Variants in ANO2 observed in about 807,000 individuals in gnomAD.
ANO2 encodes anoctamin 2.
A neutral mutation model predicts 124.2 loss-of-function variants in ANO2; 101 were observed. The ratio of observed to expected loss-of-function variants is 0.81; its 90% confidence interval spans 0.69 to 0.96. The LOEUF is 0.96. Among genes scored for constraint, ANO2 ranks in the 40% least tolerant of loss-of-function variants. ANO2 has a pLI of 0.00. For missense variants in ANO2, 1,293 were observed against 1,274.5 expected, an observed-to-expected ratio of 1.01 and a Z score of -0.22; for synonymous variants, 486 against 482.5, an observed-to-expected ratio of 1.01 and a Z score of -0.09.
In ANO2 at chr12:5,636,969, T is replaced by C. The variant is rs1946052129; in HGVS notation, c.1621-1622A>G. 6.7e-6 allele frequency among the ~76,000 whole-genome samples: 1 copy of C among 149,226 alleles called. No individual in the cohort carries two copies. ...AGGAAGGGAGAAAGGTGGCGTTCTC[T>C]GGGTAGAGGAAGGCTGTGTGTGTTT... On this transcript the variant is annotated intron_variant, in intron 15 of 24. Transcript: ENST00000682330. The surrounding 1 kb of genome is among the most constrained non-coding windows in gnomAD (Gnocchi z 4.6).
chr12:5,707,696 C>A (rs888285877), intron 14 of ANO2, among the ~76,000 whole-genome samples: 1 of 152,188 alleles, frequency 6.6e-6, no homozygotes, highest in African/African-American at 2.4e-5. Flanking sequence ...ACATACCTTC[C>A]GAGTTTATCT....
intron 10 of ANO2, among the ~76,000 whole-genome samples, chr12:5,777,486 AG>A (rs1258483164): frequency 6.6e-6 from 1 of 152,148 alleles, no homozygotes; most frequent in Non-Finnish European, 1.5e-5. Flanking sequence ...GCATGAACTG[AG>A]GGGACCAAAA....
At chr12:5,599,906 G>A (rs1414104912) in intron 19 of ANO2, among the ~76,000 whole-genome samples, 6 of 152,230 alleles carry the variant, frequency 3.9e-5, no homozygotes, top group Non-Finnish European at 5.9e-5. Flanking sequence ...CAAGCAACAA[G>A]AGAGTTGGCC....
chr12:5,871,162 G>A (rs146106303), intron 3 of ANO2, among the ~76,000 whole-genome samples: 189 of 152,242 alleles, frequency 1.2e-3, no homozygotes, highest in African/African-American at 4.3e-3. Flanking sequence ...GCACTTAATG[G>A]TCTCTCTACT....
chr12:5,944,650 C>T (rs892694962), intron 1 of ANO2, among the ~76,000 whole-genome samples: 8 of 152,158 alleles, frequency 5.3e-5, no homozygotes, highest in African/African-American at 1.9e-4. Flanking sequence ...TTCCCTGCAG[C>T]CTGGGGTGTA....
intron 4 of ANO2, among the ~76,000 whole-genome samples, chr12:5,842,943 C>T (rs892201771): frequency 2.0e-5 from 3 of 152,190 alleles, no homozygotes; most frequent in African/African-American, 7.2e-5. Flanking sequence ...ATTCTGCACT[C>T]TTTCCAGTCT....
At chr12:5,634,097 C>T (rs943082107) in intron 16 of ANO2, among the ~76,000 whole-genome samples, 1 of 152,130 alleles carries the variant, frequency 6.6e-6, no homozygotes, top group African/African-American at 2.4e-5. Flanking sequence ...TCTCAAGATG[C>T]TTATGAAGAA....
Position 5,921,111 on chromosome 12 carries a change from T to C in ANO2, c.463A>G (p.Arg155Gly). 1.2e-6 allele frequency: 2 copies of C among 1,613,798 alleles called. No individual in the cohort carries two copies. The highest frequency in any genetic ancestry group is 1.7e-6 in the Non-Finnish European group (2 of 1,179,840). ...LGPLDALEEE[R>G]KEQREEFEHN... ...TCAAATTCCTCCCGCTGCTCCTTCC[T>C]CTCCTCCTCCAGGGCATCGAGCGGT... is the stretch of plus-strand genomic sequence containing the variant. The change falls in exon 3 of 25, where the codon AGG becomes GGG. Residue 155 changes from arginine to glycine, a missense_variant. By Grantham distance (125) the Arg-to-Gly change is moderately radical. Transcript: ENST00000682330.
intron 20 of ANO2, 37 bp from the exon 21 acceptor site, chr12:5,578,555 C>G (rs763537417): frequency 1.9e-6 from 3 of 1,596,082 alleles, no homozygotes; most frequent in Non-Finnish European, 2.6e-6. Flanking sequence ...TCAGCAGGAA[C>G]AAGCAGGACT....
intron 19 of ANO2, among the ~76,000 whole-genome samples, chr12:5,607,424 CTT>C (rs34863392): frequency 2.0e-5 from 3 of 146,920 alleles, no homozygotes; most frequent in African/African-American, 7.5e-5. Context: ...ACGTAAAAAC[CTT>C]TTTTTTTTTT....
intron 13 of ANO2, among the ~76,000 whole-genome samples, chr12:5,736,243 C>A (rs1810814757): frequency 6.6e-6 from 1 of 152,176 alleles, no homozygotes; most frequent in South Asian, 2.1e-4. Context: ...CTCCAGTCTT[C>A]TTCTGGCTTG....
chr12:5,910,134 C>T (rs748487619), intron 3 of ANO2, among the ~76,000 whole-genome samples: 8 of 152,084 alleles, frequency 5.3e-5, no homozygotes, highest in Non-Finnish European at 7.4e-5. Flanking sequence ...AATTTGTTTT[C>T]GAGATTTGTG....
intron 10 of ANO2, among the ~76,000 whole-genome samples, chr12:5,764,250 G>A (rs973617587): frequency 6.6e-6 from 1 of 152,170 alleles, no homozygotes; most frequent in Non-Finnish European, 1.5e-5. Context: ...GCTAGTACGT[G>A]GCAGAGCAAC....
chr12:5,643,967 G>A (rs1271629691), intron 15 of ANO2, among the ~76,000 whole-genome samples: 1 of 152,048 alleles, frequency 6.6e-6, no homozygotes, highest in Non-Finnish European at 1.5e-5. Context: ...ATCCCATTCT[G>A]ATAATTTGTC....
intron 10 of ANO2, among the ~76,000 whole-genome samples, chr12:5,757,318 C>A (rs1951610480): frequency 6.6e-6 from 1 of 152,084 alleles, no homozygotes; most frequent in African/African-American, 2.4e-5. Flanking sequence ...AAAGTGATTT[C>A]TTGTAAAAAG....
At chr12:5,733,628 C>T (rs1950736091) in intron 13 of ANO2, among the ~76,000 whole-genome samples, 1 of 152,206 alleles carries the variant, frequency 6.6e-6, no homozygotes, top group South Asian at 2.1e-4. Context: ...AGGCTTTTGA[C>T]CTGTCTCTGG....
chr12:5,642,012 A>G (rs1411314185), intron 15 of ANO2, among the ~76,000 whole-genome samples: 1 of 152,178 alleles, frequency 6.6e-6, no homozygotes, highest in Non-Finnish European at 1.5e-5. Context: ...GATGACATTG[A>G]TGATGACACA....
At chr12:5,721,800 G>A (rs1038567367) in intron 14 of ANO2, among the ~76,000 whole-genome samples, 39 of 152,254 alleles carry the variant, frequency 2.6e-4, no homozygotes, top group African/African-American at 8.7e-4. Flanking sequence ...GAGCCACTGC[G>A]CCCAACTTAG....
At chr12:5,610,632 T>G (rs1944474296) in intron 19 of ANO2, among the ~76,000 whole-genome samples, 1 of 143,328 alleles carries the variant, frequency 7.0e-6, no homozygotes, top group South Asian at 2.1e-4. Context: ...TTTATATATA[T>G]GTATATATTT....
Sources: gnomAD v4.1 joint callset for allele counts (sites outside exome capture counted in the v4.1 genomes callset) on GRCh38, gnomAD v4.1.1 for gene constraint, Gnocchi (gnomAD v3.1) non-coding constraint, MANE v1.5 for transcripts, NCBI Gene and HGNC (gene_info 2026-07-23, HGNC 2026-07-21) for gene names.